Variants in ECT2 observed in about 807,000 individuals in gnomAD.
ECT2 encodes the protein protein ECT2.
In ECT2, 61 loss-of-function variants were observed where a neutral mutation model predicts 116.9. That is an observed-to-expected ratio of 0.52 (90% CI 0.42 to 0.65). The LOEUF (loss-of-function observed/expected upper bound fraction) is 0.65. Ranked by LOEUF, ECT2 falls within the 30% of genes least tolerant of loss-of-function variation. The pLI is 0.00. For missense variants in ECT2, 937 were observed against 1,078.7 expected (o/e 0.87, Z 1.84); for synonymous variants, 358 against 346.4 (o/e 1.03, Z -0.37).
intron 12 of ECT2, 112 bp downstream of exon 12, chr3:172,764,612 C>T (rs1718969972): frequency 2.1e-6 from 2 of 965,390 alleles, no homozygotes; most frequent in Admixed American, 2.5e-5. Flanking sequence ...CTTTAATTAC[C>T]TTTGTTCTAG....
At chr3:172,805,987 G>A in intron 21 of ECT2, 118 bp downstream of exon 21, 1 of 1,046,494 alleles carries the variant, frequency 9.6e-7, no homozygotes, top group Non-Finnish European at 1.3e-6. Context: ...TAGTTGGTCA[G>A]ACTGCTAAAG....
At chr3:172,761,725 C>T (rs1718338674) in intron 8 of ECT2, 42 bp downstream of exon 8, 2 of 1,378,658 alleles carry the variant, frequency 1.5e-6, no homozygotes, top group Admixed American at 1.9e-5. Flanking sequence ...GTAAATTAAA[C>T]ATTCTGGTTT....
chr3:172,804,719 T>C (rs1727362148), intron 20 of ECT2, among the ~76,000 whole-genome samples: 1 of 152,204 alleles, frequency 6.6e-6, no homozygotes, highest in Admixed American at 6.5e-5. Context: ...TTATCCCTTA[T>C]TCCTGAGAGC....
intron 20 of ECT2, among the ~76,000 whole-genome samples, chr3:172,805,126 C>A (rs1727436962): frequency 6.6e-6 from 1 of 151,978 alleles, no homozygotes; most frequent in Non-Finnish European, 1.5e-5. Flanking sequence ...AAACCTATAG[C>A]CATCATCCTA....
At chr3:172,796,091 A>T (rs1013271601) in intron 18 of ECT2, among the ~76,000 whole-genome samples, 2 of 152,216 alleles carry the variant, frequency 1.3e-5, no homozygotes. Flanking sequence ...ATTTTTAGTT[A>T]AATAATAATT....
rs1576933099 is a variant in ECT2, at chr3:172,782,174, A to C, written c.1560A>C (p.Glu520Asp). The change falls in exon 15 of 25, where the codon GAA (glutamate) becomes GAC (aspartate). Residue 520 changes from glutamate (E) to aspartate (D), a missense_variant. Glu to Asp is a conservative substitution (Grantham distance 45). Coordinates refer to ENST00000392692, the MANE Select transcript of ECT2 (RefSeq NM_001258315.2). ...TCGTGCTATTTCAGGATGATCTTGA[A>C]GACCTTATAGTTAATTGGGATGAGA... ...DVHTKIKDDL[E>D]DLIVNWDESK... is the part of the protein sequence containing the mutation. 6.4e-7 allele frequency: 1 copy of C among 1,572,170 alleles called. No homozygotes were observed. Among genetic ancestry groups the C allele is most frequent in the East Asian group, 2.3e-5 (1 of 43,310 alleles).
chr3:172,823,629 A>G (rs1730773411), downstream of ECT2, among the ~76,000 whole-genome samples: 1 of 152,196 alleles, frequency 6.6e-6, no homozygotes, highest in South Asian at 2.1e-4. Flanking sequence ...AGTGAGTCAC[A>G]TGAATTTTTG....
chr3:172,754,499 A>AT lies in ECT2; in HGVS notation c.-22-4dup. ...GTTTATGTATTTTTATTCAAATTTT[A>AT]TTTTTTCAGCTGATTTAGAAGAATA... On this transcript the variant is annotated splice_polypyrimidine_tract_variant and intron_variant, in intron 1 of 24. Transcript: ENST00000392692. 6.5e-7 allele frequency: 1 copy of AT among 1,539,664 alleles called. No homozygotes were observed. The highest frequency in any genetic ancestry group is 8.7e-7 in the Non-Finnish European group (1 of 1,144,814).
intron 14 of ECT2, among the ~76,000 whole-genome samples, chr3:172,779,914 G>A (rs1233549021): frequency 9.3e-5 from 14 of 150,134 alleles, no homozygotes; most frequent in Non-Finnish European, 1.3e-4. Flanking sequence ...AAAAAAGAAA[G>A]AAAATATGAT....
At position 172,819,625 on chromosome 3, in the gene ECT2, G is replaced by A. The variant is rs376116474; in HGVS notation, c.2656-523G>A. Among the ~76,000 whole-genome samples the A allele has an allele frequency of 9.2e-5, 14 of 151,944 alleles. 1 individual carries two copies. Among genetic ancestry groups the A allele is most frequent in the East Asian group, 1.9e-4 (1 of 5,176 alleles). On this transcript the variant is annotated intron_variant, in intron 24 of 24. Coordinates refer to ENST00000392692, the MANE Select transcript of ECT2 (RefSeq NM_001258315.2). Reference sequence around the variant, plus strand: ...CCTCCTGAGTAGCTGAGATTACAGTGGAACAAAATTATATATACATATATA... The same window carrying A: ...CCTCCTGAGTAGCTGAGATTACAGTAGAACAAAATTATATATACATATATA...
At chr3:172,793,229 G>A (rs1326442025) in intron 18 of ECT2, among the ~76,000 whole-genome samples, 1 of 151,994 alleles carries the variant, frequency 6.6e-6, no homozygotes, top group Admixed American at 6.6e-5. Flanking sequence ...GCAGTAGTGC[G>A]ATCTCGGCTC....
rs560406260 is a variant in ECT2, at chr3:172,758,501, A to AACC, written c.487-478_487-476dup. On this transcript the variant is annotated intron_variant, in intron 5 of 24. Coordinates refer to ENST00000392692, the MANE Select transcript of ECT2 (RefSeq NM_001258315.2). ...CACACACACAGACACACACACACAC[A>AACC]ACCGTTGGGTAAATTATTTACTGAA... Among the ~76,000 whole-genome samples, 790 of 152,242 alleles carry AACC rather than the reference A, an allele frequency of 5.2e-3. 6 individuals carry two copies. Among genetic ancestry groups the AACC allele is most frequent in the African/African-American group, 0.018 (737 of 41,534 alleles).
intron 24 of ECT2, 22 bp from the exon 25 acceptor site, chr3:172,820,126 A>G: frequency 6.4e-7 from 1 of 1,557,550 alleles, no homozygotes; most frequent in Non-Finnish European, 8.8e-7. Context: ...TAAAATATGA[A>G]ATGTTTGTTT....
chr3:172,766,541 C>G (rs1254789972), intron 12 of ECT2, among the ~76,000 whole-genome samples: 2 of 151,868 alleles, frequency 1.3e-5, no homozygotes, highest in African/African-American at 4.8e-5. Flanking sequence ...AGGTGCTGAA[C>G]CAGAGTATGT....
chr3:172,786,483 A>G lies in ECT2; in HGVS notation c.1826-10A>G. ...TTTTTATGCATGGAAAAAACATTGT[A>G]TTATTACAGATCTTAAGAAGCATAC... On this transcript the variant is annotated splice_polypyrimidine_tract_variant and intron_variant, in intron 17 of 24. Transcript: ENST00000392692. 6.3e-7 allele frequency: 1 copy of G among 1,586,218 alleles called. No individual in the cohort carries two copies. The highest frequency in any genetic ancestry group is 8.6e-7 in the Non-Finnish European group (1 of 1,159,576).
chr3:172,766,987 T>C (rs1268203789), intron 12 of ECT2, among the ~76,000 whole-genome samples: 4 of 152,218 alleles, frequency 2.6e-5, no homozygotes, highest in Admixed American at 2.0e-4. Flanking sequence ...CCCCAGTTTG[T>C]AGGTCATTGT....
intron 10 of ECT2, 47 bp from the exon 11 acceptor site, chr3:172,762,863 T>C (rs1560257628): frequency 6.2e-7 from 1 of 1,610,678 alleles, no homozygotes; most frequent in East Asian, 2.2e-5. Flanking sequence ...GCTTCTCTGA[T>C]AAAATAAATG....
At chr3:172,784,967 C>T (rs566678712) in intron 17 of ECT2, among the ~76,000 whole-genome samples, 164 bp downstream of exon 17, 2 of 152,230 alleles carry the variant, frequency 1.3e-5, no homozygotes, top group East Asian at 1.9e-4. Context: ...ACTGGTGCTA[C>T]TAAAATTCAG....
intron 24 of ECT2, among the ~76,000 whole-genome samples, chr3:172,817,584 G>C (rs1342074053): frequency 2.0e-5 from 3 of 151,984 alleles, no homozygotes; most frequent in Non-Finnish European, 4.4e-5. Flanking sequence ...GATGATACGA[G>C]TTCTAAATTC....
Sources: allele counts gnomAD v4.1 joint callset (sites outside exome capture counted in the v4.1 genomes callset), GRCh38; gene constraint gnomAD v4.1.1; transcripts MANE v1.5; gene names NCBI Gene and HGNC (gene_info 2026-07-23, HGNC 2026-07-21).